The following SLCO6A1 variants were observed in gnomAD, a reference collection of about 807,000 sequenced individuals.
SLCO6A1 encodes cancer/testis antigen 48.
In SLCO6A1, 65 loss-of-function variants were observed where a neutral mutation model predicts 72.7. The observed-to-expected ratio is 0.89, with a 90% CI of 0.73 to 1.10. SLCO6A1 has a LOEUF of 1.10. Among genes scored for constraint, SLCO6A1 ranks in the 50% least tolerant of loss-of-function variants. The pLI, the probability that SLCO6A1 is intolerant of heterozygous loss-of-function variation, is 0.00. For missense variants in SLCO6A1, 874 were observed against 872.6 expected (o/e 1.00, Z -0.02); for synonymous variants, 314 against 298.2 (o/e 1.05, Z -0.55).
chr5:102,455,710 T>C (rs1470387555), intron 6 of SLCO6A1, among the ~76,000 whole-genome samples: 1 of 152,130 alleles, frequency 6.6e-6, no homozygotes, highest in Non-Finnish European at 1.5e-5. Context: ...CGAAATAATA[T>C]AAAACTAAAA....
chr5:102,378,830 G>A (rs535529756), intron 12 of SLCO6A1, among the ~76,000 whole-genome samples: 2 of 152,076 alleles, frequency 1.3e-5, no homozygotes, highest in Non-Finnish European at 2.9e-5. Context: ...CACCCAGGCG[G>A]GAGTGCAGTG....
At chr5:102,372,195 A>G (rs1437334546) in intron 13 of SLCO6A1, 72 bp from the exon 14 acceptor site, 1 of 152,054 alleles carries the variant, frequency 6.6e-6, no homozygotes, top group Non-Finnish European at 1.5e-5. Flanking sequence ...ATAGGTTTTT[A>G]AAATGCATGT....
chr5:102,442,787 C>T (rs10463979), intron 6 of SLCO6A1, among the ~76,000 whole-genome samples: 97,217 of 152,112 alleles, frequency 0.64, 31,261 homozygotes, highest in African/African-American at 0.66. Context: ...CAACGGGTTG[C>T]GCGCAGTGGC....
intron 9 of SLCO6A1, among the ~76,000 whole-genome samples, chr5:102,403,074 T>C (rs903872335): frequency 6.6e-6 from 1 of 152,318 alleles, no homozygotes; most frequent in East Asian, 1.9e-4. Context: ...AATGAGAATA[T>C]CATAAGTGTT....
chr5:102,480,176 C>A lies in SLCO6A1; in HGVS notation c.616+1G>T, dbSNP rs1331233605. On this transcript the variant is annotated splice_donor_variant, in intron 2 of 13. Coordinates refer to ENST00000506729, the MANE Select transcript of SLCO6A1 (RefSeq NM_173488.5). LOFTEE classifies it high-confidence loss of function. ...TATGACAGTATATTTTAAAACCTTA[C>A]CTTCAATTCCTACCTTACTTTGTTT... 3.7e-6 allele frequency: 6 copies of A among 1,601,892 alleles called. No homozygotes were observed. The Middle Eastern group carries it at 8.6e-4, about 229-fold the overall frequency.
At chr5:102,467,397 G>A (rs966168499) in intron 4 of SLCO6A1, among the ~76,000 whole-genome samples, 1 of 151,910 alleles carries the variant, frequency 6.6e-6, no homozygotes, top group Non-Finnish European at 1.5e-5. Flanking sequence ...GGGTGACAGA[G>A]TGAGAATCTC....
At chr5:102,415,566 A>T (rs1467754721) in intron 8 of SLCO6A1, among the ~76,000 whole-genome samples, 1 of 152,166 alleles carries the variant, frequency 6.6e-6, no homozygotes, top group African/African-American at 2.4e-5. Flanking sequence ...CTCAACATGG[A>T]TTAAAGACTT....
At chr5:102,406,309 T>C (rs569597959) in intron 9 of SLCO6A1, among the ~76,000 whole-genome samples, 2 of 152,196 alleles carry the variant, frequency 1.3e-5, no homozygotes, top group East Asian at 3.9e-4. Context: ...AAAATAATGC[T>C]ATAATAATGA....
intron 7 of SLCO6A1, among the ~76,000 whole-genome samples, chr5:102,421,806 A>T (rs1391683990): frequency 3.9e-5 from 6 of 151,914 alleles, no homozygotes; most frequent in Non-Finnish European, 8.8e-5. Flanking sequence ...TGGGTCCCTG[A>T]CTCCCATGCC....
chr5:102,434,873 C>T (rs950964535), intron 7 of SLCO6A1, among the ~76,000 whole-genome samples: 2 of 151,964 alleles, frequency 1.3e-5, no homozygotes, highest in Non-Finnish European at 2.9e-5. Flanking sequence ...ATAACAGTTC[C>T]AGCAATGTGC....
chr5:102,472,829 C>T (rs1207403861), intron 4 of SLCO6A1, among the ~76,000 whole-genome samples: 2 of 151,940 alleles, frequency 1.3e-5, no homozygotes, highest in Admixed American at 6.6e-5. Flanking sequence ...TAAGAAGAAT[C>T]ACAAGAAACT....
intron 2 of SLCO6A1, among the ~76,000 whole-genome samples, chr5:102,479,250 A>G (rs1752063269): frequency 6.6e-6 from 1 of 152,112 alleles, no homozygotes; most frequent in African/African-American, 2.4e-5. Context: ...TCCTGCTACA[A>G]TGTGAAGATA....
intron 4 of SLCO6A1, among the ~76,000 whole-genome samples, chr5:102,466,653 G>C (rs763558478): frequency 2.0e-5 from 3 of 151,904 alleles, no homozygotes; most frequent in Admixed American, 6.6e-5. Context: ...GTGTAAAAGA[G>C]TTCCTTTTCT....
intron 10 of SLCO6A1, among the ~76,000 whole-genome samples, chr5:102,393,420 C>G (rs1746880189): frequency 6.6e-6 from 1 of 152,186 alleles, no homozygotes; most frequent in South Asian, 2.1e-4. Flanking sequence ...AAAGCTACTT[C>G]TCCCTCCAGA....
chr5:102,459,681 C>G lies in SLCO6A1; in HGVS notation c.996G>C (p.Leu332Phe). The change falls in exon 5 of 14, where the codon TTG (leucine) becomes TTC (phenylalanine). Residue 332 changes from leucine (L) to phenylalanine (F), a missense_variant. By Grantham distance (22) the Leu-to-Phe change is conservative. Coordinates refer to ENST00000506729, the MANE Select transcript of SLCO6A1 (RefSeq NM_173488.5). ...CTGGCATATTGTTTGGAAAGCATGA[C>G]AATGGTATTAATGTACACCATGCAA... ...AVVAWCTLIP[L>F]SCFPNNMPGS... 1 of 1,593,792 alleles carries G rather than the reference C, an allele frequency of 6.3e-7. No individual in the cohort carries two copies. The highest frequency in any genetic ancestry group is 1.2e-5 in the South Asian group (1 of 86,688).
intron 12 of SLCO6A1, among the ~76,000 whole-genome samples, chr5:102,378,992 G>C (rs1012920226): frequency 1.3e-5 from 2 of 152,034 alleles, no homozygotes; most frequent in African/African-American, 2.4e-5. Context: ...TGTTAGCCAG[G>C]ATGGTCTCGA....
intron 6 of SLCO6A1, among the ~76,000 whole-genome samples, chr5:102,447,533 A>C (rs1381000064): frequency 6.6e-6 from 1 of 152,022 alleles, no homozygotes; most frequent in East Asian, 1.9e-4. Flanking sequence ...TTTTTCTTAT[A>C]ATTGATTCAA....
intron 9 of SLCO6A1, among the ~76,000 whole-genome samples, chr5:102,405,753 T>C (rs1322677125): frequency 6.6e-6 from 1 of 152,112 alleles, no homozygotes; most frequent in East Asian, 1.9e-4. Context: ...ATATTAAATT[T>C]CTGGGTAAAT....
intron 7 of SLCO6A1, among the ~76,000 whole-genome samples, chr5:102,433,366 C>T (rs62370977): frequency 0.24 from 36,931 of 152,038 alleles, 4,901 homozygotes; most frequent in South Asian, 0.34. Context: ...TCAGAGTTCT[C>T]GTGCTGCTTT....
Sources: allele counts gnomAD v4.1 joint callset (sites outside exome capture counted in the v4.1 genomes callset), GRCh38; gene constraint gnomAD v4.1.1; transcripts MANE v1.5; gene names NCBI Gene and HGNC (gene_info 2026-07-23, HGNC 2026-07-21).